Variants in MANBA observed in about 807,000 individuals in gnomAD.
MANBA encodes the protein mannosidase beta.
In MANBA, 83 loss-of-function variants were observed where a neutral mutation model predicts 111.1. The ratio of observed to expected loss-of-function variants is 0.75; its 90% CI spans 0.63 to 0.90. MANBA has a LOEUF of 0.90. Among genes scored for constraint, MANBA ranks in the 40% least tolerant of loss-of-function variants. The pLI is 0.00. For synonymous variants in MANBA, 370 were observed against 378.7 expected, an observed-to-expected ratio of 0.98 and a Z score of 0.27; for missense variants, 1,036 against 1,069.0, an observed-to-expected ratio of 0.97 and a Z score of 0.43.
intron 1 of MANBA, chr4:102,727,708 TTG>T: frequency 8.9e-7 from 1 of 1,124,626 alleles, no homozygotes; most frequent in Non-Finnish European, 1.4e-6. Context: ...TGGTTGTAGG[TTG>T]TGTTTTCAGA....
In MANBA at chr4:102,723,110, A is replaced by G. The variant is rs561648702; in HGVS notation, c.379-69T>C. 3.6e-6 allele frequency: 5 copies of G among 1,400,348 alleles called. No homozygotes were observed. The South Asian group carries it at 6.0e-5, about 17-fold the overall frequency. 86.7% of individuals were successfully genotyped at this position (1,400,348 alleles called of 1,614,324 possible). Reference sequence around the variant, plus strand: ...AGTCTTGTGTGTAAAATTTTAGATAAAGGCATTTTGTATGAAAGACACATA... The same window carrying G: ...AGTCTTGTGTGTAAAATTTTAGATAGAGGCATTTTGTATGAAAGACACATA... On this transcript the variant is annotated intron_variant, in intron 3 of 16. Transcript: ENST00000647097.
In MANBA at chr4:102,690,640, G is replaced by T; in HGVS notation, c.805C>A (p.Gln269Lys). 6.2e-7 allele frequency: 1 copy of T among 1,612,686 alleles called. No homozygotes were observed. ...AGCTCAACAATCCTTTTCCCAGGTTGAAGTTCAATGCTGTATGTCTGTTGT... is the reference window on the plus strand; with the variant it reads ...AGCTCAACAATCCTTTTCCCAGGTTTAAGTTCAATGCTGTATGTCTGTTGT... ...QTQQTYSIEL[Q>K]PGKRIVELFV... is the part of the protein sequence containing the mutation. Residue 269 changes from glutamine to lysine, a missense_variant, in exon 6 of 17, where the codon CAA (glutamine) becomes AAA (lysine). Physicochemically the swap from Gln to Lys is moderately conservative, Grantham distance 53 (BLOSUM62 1). Transcript: ENST00000647097.
chr4:102,682,755 G>C (rs1732043151), intron 7 of MANBA: 1 of 152,216 alleles, frequency 6.6e-6, no homozygotes, highest in South Asian at 2.1e-4. Context: ...TCAGAGTGAT[G>C]CATCTACAAG....
rs374377679 is a variant in MANBA at position 102,722,876 on chromosome 4, G to A, written c.544C>T (p.Arg182Trp). The A allele has an allele frequency of 2.5e-5, 41 of 1,613,918 alleles. No individual in the cohort carries two copies. The highest frequency in any genetic ancestry group is 3.1e-5 in the Non-Finnish European group (36 of 1,179,952). Residue 182 changes from arginine to tryptophan, a missense_variant, in exon 4 of 17, where the codon CGG becomes TGG. Transcript: ENST00000647097. ...QKGECHVNFVRKEQCSFSWDW... is the reference protein window; with the variant it reads ...QKGECHVNFVWKEQCSFSWDW... ...CCTGTTTGAGAGACCATTACCTTCC[G>A]AACAAAGTTGACATGGCATTCACCC...
intron 16 of MANBA, 48 bp from the exon 17 acceptor site, chr4:102,632,329 TTA>T: frequency 7.4e-7 from 1 of 1,358,584 alleles, no homozygotes; most frequent in Non-Finnish European, 1.1e-6. Flanking sequence ...GAGGGAAGAG[TTA>T]TATAGTCTGT....
chr4:102,650,554 T>C lies in MANBA; in HGVS notation c.1852A>G (p.Thr618Ala). The part of the protein sequence containing the change: ...STDPLRTFKD[T>A]IYLTQVMQAQ... ...CAACTTACCTGAGTAAGGTAGATGG[T>C]ATCTTTAAATGTGCGTAATGGATCT... Residue 618 changes from threonine to alanine, a missense_variant, in exon 13 of 17, where the codon ACC becomes GCC. Coordinates refer to ENST00000647097, the MANE Select transcript of MANBA (RefSeq NM_005908.4). 6.2e-7 allele frequency: 1 copy of C among 1,612,962 alleles called. No individual in the cohort carries two copies. The highest frequency in any genetic ancestry group is 8.5e-7 in the Non-Finnish European group (1 of 1,178,984).
chr4:102,708,905 G>T (rs755956393), intron 5 of MANBA, among the ~76,000 whole-genome samples: 2 of 151,776 alleles, frequency 1.3e-5, no homozygotes, highest in African/African-American at 4.8e-5. Flanking sequence ...CATTACAACT[G>T]ATACTACAGA....
At chr4:102,709,643 C>T (rs223509) in intron 5 of MANBA, among the ~76,000 whole-genome samples, 149,243 of 152,290 alleles carry the variant, frequency 0.98, 73,145 homozygotes, top group East Asian at 1. Context: ...TAACTCATTC[C>T]AGAGGTCAGC....
chr4:102,716,119 G>A (rs1722318440), intron 4 of MANBA, among the ~76,000 whole-genome samples: 1 of 151,954 alleles, frequency 6.6e-6, no homozygotes, highest in Admixed American at 6.6e-5. Context: ...AGGCCAGCCT[G>A]ACCAACATGG....
chr4:102,653,029 T>C (rs1215855749), intron 12 of MANBA, among the ~76,000 whole-genome samples: 1 of 152,156 alleles, frequency 6.6e-6, no homozygotes, highest in African/African-American at 2.4e-5. Flanking sequence ...CAGTCCCTAG[T>C]TCATTAAACC....
At chr4:102,635,396 T>C (rs1344411191) in intron 15 of MANBA, among the ~76,000 whole-genome samples, 1 of 152,242 alleles carries the variant, frequency 6.6e-6, no homozygotes, top group Non-Finnish European at 1.5e-5. Flanking sequence ...CCTAAGACTT[T>C]GAGTTTCTAG....
At chr4:102,653,417 C>T (rs538141877) in intron 12 of MANBA, among the ~76,000 whole-genome samples, 47 of 152,170 alleles carry the variant, frequency 3.1e-4, no homozygotes, top group African/African-American at 1.1e-3. Context: ...TTTTAATCAC[C>T]GTGCAATATT....
chr4:102,700,727 T>G lies in MANBA; in HGVS notation c.674-9956A>C, dbSNP rs1732990497. Among the ~76,000 whole-genome samples the G allele has an allele frequency of 2.6e-5, 4 of 152,338 alleles. No homozygotes were observed. In the South Asian group the frequency reaches 8.3e-4, roughly 32 times the overall value. ...GATTGCGCTGTGGTCTGAGAGATAG[T>G]TTGTTATAATTTATGTTCTTCTACA... On this transcript the variant is annotated intron_variant, in intron 5 of 16. Coordinates refer to ENST00000647097, the MANE Select transcript of MANBA (RefSeq NM_005908.4).
At chr4:102,657,238 G>GA (rs1730605133) in intron 12 of MANBA, among the ~76,000 whole-genome samples, 3 of 105,190 alleles carry the variant, frequency 2.9e-5, no homozygotes, top group Non-Finnish European at 3.9e-5. Flanking sequence ...GGGGGTGGGC[G>GA]GTGGTAATGG....
At chr4:102,709,307 GAAGGAAGAA>G in intron 5 of MANBA, among the ~76,000 whole-genome samples, 1 of 90,898 alleles carries the variant, frequency 1.1e-5, no homozygotes, top group South Asian at 2.8e-4. Context: ...AGGAAGGAAG[GAAGGAAGAA>G]AAGAAAAGAA....
At chr4:102,713,149 T>C (rs1722154826) in intron 5 of MANBA, among the ~76,000 whole-genome samples, 1 of 152,202 alleles carries the variant, frequency 6.6e-6, no homozygotes, top group South Asian at 2.1e-4. Flanking sequence ...TTTGGCTCAA[T>C]TGAATAGCAA....
chr4:102,710,758 C>A (rs891782039), intron 5 of MANBA, among the ~76,000 whole-genome samples: 2 of 152,014 alleles, frequency 1.3e-5, no homozygotes, highest in Non-Finnish European at 2.9e-5. Context: ...GACACATAAA[C>A]CAAAGGAACA....
chr4:102,738,170 T>TCTAAAGAAGAAAACAACTAATTCCACTGC (rs1560807522), intron 1 of MANBA, among the ~76,000 whole-genome samples: 1 of 152,188 alleles, frequency 6.6e-6, no homozygotes, highest in Non-Finnish European at 1.5e-5. Context: ...ACAACCCTGC[T>TCTAAAGAAGAAAACAACTAATTCCACTGC]CTAAAGAAGA....
At chr4:102,666,159 A>G (rs1398911561) in intron 10 of MANBA, 2 of 151,966 alleles carry the variant, frequency 1.3e-5, no homozygotes, top group Non-Finnish European at 2.9e-5. Context: ...AAGCTGACTT[A>G]GAGTTTTATG....
Sources: allele counts gnomAD v4.1 joint callset (sites outside exome capture counted in the v4.1 genomes callset), GRCh38; gene constraint gnomAD v4.1.1; transcripts MANE v1.5; gene names NCBI Gene and HGNC (gene_info 2026-07-23, HGNC 2026-07-21).